The following SETBP1 variants were observed in gnomAD, a reference collection of about 807,000 sequenced individuals.
The protein encoded by SETBP1 is SET-binding protein.
SETBP1 carries 9 observed loss-of-function variants against 101.0 expected under a neutral mutation model. The observed-to-expected ratio is 0.09, with a 90% CI of 0.05 to 0.16. The LOEUF is 0.16. Ranked by LOEUF, SETBP1 falls within the 10% of genes least tolerant of loss-of-function variation. SETBP1 has a pLI of 1.00. For missense variants in SETBP1, 1,858 were observed against 2,033.8 expected (o/e 0.91, Z 1.66); for synonymous variants, 818 against 788.5 (o/e 1.04, Z -0.63).
chr18:45,014,833 T>C (rs2072909484), intron 4 of SETBP1, among the ~76,000 whole-genome samples: 1 of 152,176 alleles, frequency 6.6e-6, no homozygotes, highest in African/African-American at 2.4e-5. Flanking sequence ...TTAAATGATA[T>C]TTAAATAAAT....
chr18:44,796,216 T>G (rs1267573921), intron 2 of SETBP1, among the ~76,000 whole-genome samples: 5 of 152,234 alleles, frequency 3.3e-5, no homozygotes, highest in Non-Finnish European at 5.9e-5. Flanking sequence ...ATTTGCAAAA[T>G]GAACATCAAT....
chr18:44,715,917 G>C (rs1166031309), intron 2 of SETBP1, among the ~76,000 whole-genome samples: 1 of 152,100 alleles, frequency 6.6e-6, no homozygotes, highest in Non-Finnish European at 1.5e-5. Context: ...TGAAATTCTG[G>C]GGTGAGAGGT....
Position 44,952,336 on chromosome 18 carries a change from T to G in SETBP1, c.2996T>G (p.Ile999Ser). The change falls in exon 4 of 6, where the codon ATC becomes AGC. Residue 999 changes from isoleucine to serine, a missense_variant. Ile to Ser is a moderately radical substitution (Grantham distance 142, BLOSUM62 -2). Around this residue, in one of 12 missense-constraint regions of SETBP1, gnomAD observed 255 missense variants for 300.1 expected, o/e 0.85. Coordinates refer to ENST00000649279, the MANE Select transcript of SETBP1 (RefSeq NM_015559.3). ...NFDHYYPVPY[I>S]QYDPLLYLRR... ...GATCACTATTACCCGGTGCCATATA[T>G]CCAGTATGACCCGTTGCTCTATCTT... 6.2e-7 allele frequency: 1 copy of G among 1,614,064 alleles called. No homozygotes were observed. Among genetic ancestry groups the G allele is most frequent in the South Asian group, 1.1e-5 (1 of 91,070 alleles).
At chr18:44,825,520 A>C (rs2072219201) in intron 2 of SETBP1, among the ~76,000 whole-genome samples, 1 of 152,250 alleles carries the variant, frequency 6.6e-6, no homozygotes, top group Non-Finnish European at 1.5e-5. Flanking sequence ...AAAAAGACAA[A>C]GGCTTTCAAA....
rs545607061 is a variant in SETBP1 at position 45,049,104 on chromosome 18, A to G, written c.4171+10449A>G. ...CCAAATAGTATTTTTAAATGAATAGATCGAATAACAATCTGAGATACTAAC... is the reference window on the plus strand; with the variant it reads ...CCAAATAGTATTTTTAAATGAATAGGTCGAATAACAATCTGAGATACTAAC... On this transcript the variant is annotated intron_variant, in intron 5 of 5. Transcript: ENST00000649279. Among the ~76,000 whole-genome samples, 103 of 152,248 alleles carry G rather than the reference A, an allele frequency of 6.8e-4. 2 individuals are homozygous for G. In the Middle Eastern group the frequency reaches 0.01, roughly 15 times the overall value.
At chr18:44,941,576 C>A (rs2071089469) in intron 3 of SETBP1, among the ~76,000 whole-genome samples, 1 of 152,088 alleles carries the variant, frequency 6.6e-6, no homozygotes, top group Non-Finnish European at 1.5e-5. Flanking sequence ...TTCTCATTAT[C>A]AGTCTGTTAG....
chr18:45,065,932 G>C lies in SETBP1; in HGVS notation c.*2234G>C, dbSNP rs2073959766. ...CTCACCCCACCATTGCTATAAAACAGCAACGTTTTCATTCCAATTCAGCCA... is the reference window on the plus strand; with the variant it reads ...CTCACCCCACCATTGCTATAAAACACCAACGTTTTCATTCCAATTCAGCCA... On this transcript the variant is annotated 3_prime_UTR_variant, in exon 6 of 6. Coordinates refer to ENST00000649279, the MANE Select transcript of SETBP1 (RefSeq NM_015559.3). 1 of 152,168 alleles carries C rather than the reference G, an allele frequency of 6.6e-6. No homozygotes were observed. Among genetic ancestry groups the C allele is most frequent in the South Asian group, 2.1e-4 (1 of 4,826 alleles). The allele number at this position is 152,168 out of a possible 1,614,324, so 9.4% of individuals were successfully genotyped here. A position where few individuals can be genotyped will look rare whatever the true frequency, so the allele number is the denominator to read the frequency against.
intron 2 of SETBP1, among the ~76,000 whole-genome samples, chr18:44,706,660 A>G (rs2069226581): frequency 1.3e-5 from 2 of 149,290 alleles, no homozygotes; most frequent in Admixed American, 1.4e-4. Context: ...AGAGTTTCCA[A>G]GCTGGGCAAG....
At chr18:44,889,890 A>G (rs2069729010) in intron 3 of SETBP1, among the ~76,000 whole-genome samples, 1 of 152,158 alleles carries the variant, frequency 6.6e-6, no homozygotes, top group African/African-American at 2.4e-5. Flanking sequence ...ATTGGATAGT[A>G]TATTTTCCCA....
chr18:44,687,838 C>A (rs1198772703), intron 1 of SETBP1, among the ~76,000 whole-genome samples: 3 of 152,058 alleles, frequency 2.0e-5, no homozygotes, highest in African/African-American at 2.4e-5. Flanking sequence ...AAGTCTAGGG[C>A]CATGCCTGGG....
At chr18:44,879,006 C>T (rs926610806) in intron 3 of SETBP1, among the ~76,000 whole-genome samples, 1 of 152,168 alleles carries the variant, frequency 6.6e-6, no homozygotes, top group Non-Finnish European at 1.5e-5. Flanking sequence ...CCAGCTCTGC[C>T]ATGATTTCCT....
intron 4 of SETBP1, among the ~76,000 whole-genome samples, chr18:44,961,041 T>C (rs1218580765): frequency 1.3e-5 from 2 of 152,128 alleles, no homozygotes; most frequent in African/African-American, 4.8e-5. Context: ...CCAGCTGGTG[T>C]CCAGAATGAT....
intron 1 of SETBP1, among the ~76,000 whole-genome samples, chr18:44,687,089 G>T (rs2068852525): frequency 6.6e-6 from 1 of 152,184 alleles, no homozygotes; most frequent in Non-Finnish European, 1.5e-5. Flanking sequence ...AGTGAGCCTG[G>T]CCACAGTGGA....
chr18:45,009,688 CTATG>C (rs1281127863), intron 4 of SETBP1, among the ~76,000 whole-genome samples: 2 of 152,048 alleles, frequency 1.3e-5, no homozygotes, highest in African/African-American at 4.8e-5. Context: ...TTGGGCCTCT[CTATG>C]AAATAGAAAG....
chr18:44,947,145 A>G (rs1169783401), intron 3 of SETBP1, among the ~76,000 whole-genome samples: 1 of 152,202 alleles, frequency 6.6e-6, no homozygotes, highest in Non-Finnish European at 1.5e-5. Flanking sequence ...ATGTAAAACT[A>G]AAACTATGGT....
intron 2 of SETBP1, among the ~76,000 whole-genome samples, chr18:44,774,718 C>A (rs1009781516): frequency 2.0e-5 from 3 of 152,146 alleles, no homozygotes. Flanking sequence ...TCTTCAACCT[C>A]AGCCCGAAAA....
chr18:44,791,661 G>T (rs893929098), intron 2 of SETBP1, among the ~76,000 whole-genome samples: 1 of 152,080 alleles, frequency 6.6e-6, no homozygotes, highest in Admixed American at 6.5e-5. Flanking sequence ...AGTTTTAATA[G>T]CAGCTGGGCT....
chr18:44,682,378 C>G (rs1335818085), intron 1 of SETBP1, among the ~76,000 whole-genome samples: 2 of 152,166 alleles, frequency 1.3e-5, no homozygotes, highest in African/African-American at 4.8e-5. Context: ...CACACCCCAG[C>G]TGGGATGGGA....
At chr18:44,779,102 T>C (rs1033075636) in intron 2 of SETBP1, among the ~76,000 whole-genome samples, 3 of 152,260 alleles carry the variant, frequency 2.0e-5, no homozygotes, top group Admixed American at 6.5e-5. Context: ...TTAATCTTCC[T>C]TAAGACAGGA....
Sources: gnomAD v4.1 joint callset for allele counts (sites outside exome capture counted in the v4.1 genomes callset) on GRCh38, gnomAD v4.1.1 for gene constraint, gnomAD v4.1.1 regional missense constraint, MANE v1.5 for transcripts, NCBI Gene and HGNC (gene_info 2026-07-23, HGNC 2026-07-21) for gene names.